The following BIN2 variants were observed in gnomAD, a reference collection of about 807,000 sequenced individuals.
BIN2 encodes bridging integrator 2.
BIN2 carries 43 observed loss-of-function variants against 67.9 expected under a neutral mutation model. That is an observed-to-expected ratio of 0.63 (90% CI 0.50 to 0.82). The LOEUF (loss-of-function observed/expected upper bound fraction) is 0.82. BIN2 is among the 40% of genes least tolerant of loss of function. The probability of loss-of-function intolerance (pLI) is 0.00; values close to 1 mark genes in which losing one functional copy is unlikely to be tolerated. For synonymous variants in BIN2, 244 were observed against 246.8 expected (o/e 0.99, Z 0.11); for missense variants, 581 against 671.6 (o/e 0.87, Z 1.49).
At chr12:51,288,028 T>C (rs949045399) in intron 11 of BIN2, 80 bp downstream of exon 11, 4 of 1,025,384 alleles carry the variant, frequency 3.9e-6, no homozygotes, top group East Asian at 2.6e-5. Context: ...CTGAAAGATA[T>C]ACTTCTGGAA....
chr12:51,289,529 C>G (rs375206391), intron 10 of BIN2, among the ~76,000 whole-genome samples: 8 of 151,974 alleles, frequency 5.3e-5, no homozygotes, highest in African/African-American at 1.9e-4. Flanking sequence ...GAGGGAAGAT[C>G]ACTGGGGCCC....
chr12:51,283,091 C>G (rs1481868483), intron 12 of BIN2, among the ~76,000 whole-genome samples: 3 of 150,770 alleles, frequency 2.0e-5, no homozygotes, highest in Non-Finnish European at 3.0e-5. Context: ...CCTGTCTCTA[C>G]CAAAAATACA....
At chr12:51,286,349 C>T (rs1356285093) in intron 11 of BIN2, among the ~76,000 whole-genome samples, 1 of 152,016 alleles carries the variant, frequency 6.6e-6, no homozygotes, top group Non-Finnish European at 1.5e-5. Context: ...AGCTGATGAC[C>T]AAAGCAATCC....
intron 4 of BIN2, 64 bp from the exon 5 acceptor site, chr12:51,302,179 A>T (rs1945742023): frequency 1.6e-6 from 2 of 1,254,226 alleles, no homozygotes; most frequent in South Asian, 2.4e-5. Context: ...CTACCAGGGA[A>T]ATACCCAAAT....
chr12:51,315,769 C>T (rs1366821093), intron 1 of BIN2, among the ~76,000 whole-genome samples: 5 of 152,188 alleles, frequency 3.3e-5, no homozygotes, highest in African/African-American at 1.2e-4. Flanking sequence ...ATGTCTATCA[C>T]CTCTCAACTA....
chr12:51,288,835 T>C (rs1256790366), intron 10 of BIN2, among the ~76,000 whole-genome samples: 2 of 151,884 alleles, frequency 1.3e-5, no homozygotes, highest in Non-Finnish European at 2.9e-5. Context: ...CTGCAACTTC[T>C]GCCTCCTGGG....
intron 1 of BIN2, among the ~76,000 whole-genome samples, chr12:51,321,947 C>T (rs571151731): frequency 3.3e-5 from 5 of 152,208 alleles, no homozygotes; most frequent in Non-Finnish European, 5.9e-5. Context: ...AGCTCCCTTC[C>T]GGCATCCCAG....
intron 1 of BIN2, 69 bp downstream of exon 1, chr12:51,323,953 G>T (rs1001955031): frequency 1.9e-6 from 3 of 1,581,338 alleles, no homozygotes; most frequent in Admixed American, 1.8e-5. Context: ...CGCCCCTCCT[G>T]CCCGGCCGGG....
intron 1 of BIN2, among the ~76,000 whole-genome samples, chr12:51,317,541 C>T (rs757668608): frequency 4.6e-5 from 7 of 151,962 alleles, no homozygotes; most frequent in South Asian, 2.1e-4. Context: ...TGGTGGTGCA[C>T]GCCTGCAATC....
At chr12:51,285,047 T>C (rs1230373611) in intron 11 of BIN2, among the ~76,000 whole-genome samples, 2 of 152,066 alleles carry the variant, frequency 1.3e-5, no homozygotes, top group East Asian at 3.9e-4. Context: ...AATTCCTGAG[T>C]TGTTTCCATG....
At position 51,303,074 on chromosome 12, in the gene BIN2, C is replaced by CT. The variant is rs777657339; in HGVS notation, c.217+12dup. 2.5e-6 allele frequency: 4 copies of CT among 1,613,566 alleles called. No homozygotes were observed. The highest frequency in any genetic ancestry group is 3.4e-6 in the Non-Finnish European group (4 of 1,179,532). ...TAAATGCCCTCTGGATTCTCCCATGCTGCATTGCCCACCTTTGACTGCACT... is the reference window on the plus strand; with the variant it reads ...TAAATGCCCTCTGGATTCTCCCATGCTTGCATTGCCCACCTTTGACTGCACT... On this transcript the variant is annotated intron_variant, in intron 3 of 12. Coordinates refer to ENST00000615107, the MANE Select transcript of BIN2 (RefSeq NM_016293.4).
chr12:51,284,307 A>G lies in BIN2; in HGVS notation c.1668+409T>C, dbSNP rs556913010. On this transcript the variant is annotated intron_variant, in intron 12 of 12. Coordinates refer to ENST00000615107, the MANE Select transcript of BIN2 (RefSeq NM_016293.4). The stretch of plus-strand genomic sequence containing the variant: ...AACATGCTGTATAGGTTTGCAGCCT[A>G]GAAGCAATAGGCTATACCATACAGC... Among the ~76,000 whole-genome samples, 80 of 152,336 alleles carry G rather than the reference A, an allele frequency of 5.3e-4. 1 individual carries two copies. The highest frequency in any genetic ancestry group is 1.8e-3 in the African/African-American group (74 of 41,592).
At chr12:51,315,465 C>T (rs771889529) in intron 1 of BIN2, among the ~76,000 whole-genome samples, 37 of 152,194 alleles carry the variant, frequency 2.4e-4, no homozygotes, top group Non-Finnish European at 4.6e-4. Flanking sequence ...AGCCACTGCG[C>T]CCGGCCTGTT....
chr12:51,309,661 C>T (rs575764647), intron 2 of BIN2, among the ~76,000 whole-genome samples: 28 of 152,126 alleles, frequency 1.8e-4, no homozygotes, highest in Non-Finnish European at 3.2e-4. Context: ...CAGGCATGAG[C>T]TGCTGCACCC....
intron 12 of BIN2, among the ~76,000 whole-genome samples, chr12:51,282,617 ACACAGTCTC>A (rs1945142087): frequency 1.3e-5 from 2 of 152,222 alleles, no homozygotes; most frequent in Non-Finnish European, 2.9e-5. Context: ...TATTTTTGAG[ACACAGTCTC>A]ACTCCATTGC....
intron 11 of BIN2, among the ~76,000 whole-genome samples, chr12:51,286,834 C>A (rs1189238872): frequency 1.3e-5 from 2 of 151,984 alleles, no homozygotes; most frequent in Non-Finnish European, 2.9e-5. Context: ...TTTAAAAAAT[C>A]TTTTTTTGAG....
At chr12:51,301,996 G>A in intron 5 of BIN2, 24 bp downstream of exon 5, 1 of 1,544,526 alleles carries the variant, frequency 6.5e-7, no homozygotes, top group Non-Finnish European at 8.9e-7. Flanking sequence ...CCACAACCCA[G>A]CCTTGATTCT....
intron 9 of BIN2, among the ~76,000 whole-genome samples, chr12:51,293,802 C>A (rs1160011552): frequency 6.6e-6 from 1 of 152,110 alleles, no homozygotes; most frequent in Non-Finnish European, 1.5e-5. Context: ...TACTCATGAG[C>A]TTGTAAGAAT....
In BIN2 at chr12:51,320,965, ACACACT is replaced by A. The variant is rs1461371616; in HGVS notation, c.81+3051_81+3056del. 1.4e-4 allele frequency among the ~76,000 whole-genome samples: 22 copies of A among 151,896 alleles called. 1 individual carries two copies. Among genetic ancestry groups the A allele is most frequent in the South Asian group, 4.2e-4 (2 of 4,804 alleles). On this transcript the variant is annotated intron_variant, in intron 1 of 12. Coordinates refer to ENST00000615107, the MANE Select transcript of BIN2 (RefSeq NM_016293.4). ...CACACACACACACAAACACACACAC[ACACACT>A]CTAAAGCCAGCTTAAATTCAGTCCC... is the stretch of plus-strand genomic sequence containing the variant.
Sources: gnomAD v4.1 joint callset for allele counts (sites outside exome capture counted in the v4.1 genomes callset) on GRCh38, gnomAD v4.1.1 for gene constraint, MANE v1.5 for transcripts, NCBI Gene and HGNC (gene_info 2026-07-23, HGNC 2026-07-21) for gene names.